Variants in SH3PXD2A observed in about 807,000 individuals in gnomAD.
SH3PXD2A encodes SH3 and PX domain-containing protein 2A.
Under a neutral mutation model 115.2 loss-of-function variants are expected in SH3PXD2A, and 32 were observed. The ratio of observed to expected loss-of-function variants is 0.28; its 90% CI spans 0.21 to 0.37. The LOEUF (loss-of-function observed/expected upper bound fraction) is 0.37, where lower values mean the gene tolerates loss of function less well. Among genes scored for constraint, SH3PXD2A ranks in the 10% least tolerant of loss-of-function variants. The pLI is 1.00. For synonymous variants in SH3PXD2A, 610 were observed against 629.1 expected (o/e 0.97, Z 0.45); for missense variants, 1,328 against 1,498.7 (o/e 0.89, Z 1.88).
chr10:103,618,284 G>A (rs532596895), intron 10 of SH3PXD2A, among the ~76,000 whole-genome samples: 36 of 152,296 alleles, frequency 2.4e-4, no homozygotes, highest in African/African-American at 5.3e-4. Flanking sequence ...GGTGCCACCC[G>A]CTTGGGTCCT....
intron 1 of SH3PXD2A, among the ~76,000 whole-genome samples, chr10:103,820,530 C>T (rs1182476512): frequency 1.3e-5 from 2 of 152,170 alleles, no homozygotes; most frequent in South Asian, 2.1e-4. Context: ...CCAGTGCCCC[C>T]TCAAAGTCAC....
Position 103,603,011 on chromosome 10 carries a change from G to C in SH3PXD2A, c.2207C>G (p.Ala736Gly). The C allele has an allele frequency of 6.2e-7, 1 of 1,614,184 alleles. No homozygotes were observed. The highest frequency in any genetic ancestry group is 8.5e-7 in the Non-Finnish European group (1 of 1,180,054). The change falls in exon 15 of 15, where the codon GCA (alanine) becomes GGA (glycine). Residue 736 changes from alanine to glycine, a missense_variant. Ala to Gly is a moderately conservative substitution (Grantham distance 60). Around this residue, in one of 5 missense-constraint regions of SH3PXD2A, gnomAD observed 574 missense variants for 565.7 expected, o/e 1.01. Transcript: ENST00000369774. ...AGCGTTCGCATCAGCATCCTTCTTT[G>C]CCCTGACCTTGGGAGTGCCGCGGAT... Reference protein sequence around the residue: ...AGIRGTPKVRAKKDADANAGL... With the variant: ...AGIRGTPKVRGKKDADANAGL...
intron 8 of SH3PXD2A, among the ~76,000 whole-genome samples, chr10:103,631,423 G>A (rs759274442): frequency 3.3e-5 from 5 of 151,982 alleles, no homozygotes; most frequent in Admixed American, 1.3e-4. Flanking sequence ...TAATATTTTC[G>A]GACCACGGTT....
intron 6 of SH3PXD2A, among the ~76,000 whole-genome samples, chr10:103,669,152 C>T (rs964011179): frequency 2.0e-5 from 3 of 152,176 alleles, no homozygotes; most frequent in Non-Finnish European, 4.4e-5. Flanking sequence ...CCCACTAGAC[C>T]CTGATGTGTC....
At chr10:103,637,801 C>T (rs2036888978) in intron 8 of SH3PXD2A, among the ~76,000 whole-genome samples, 1 of 152,140 alleles carries the variant, frequency 6.6e-6, no homozygotes, top group African/African-American at 2.4e-5. Context: ...ACCAGCGCTG[C>T]CTACCTACCC....
At chr10:103,685,553 G>T (rs958097578) in intron 6 of SH3PXD2A, among the ~76,000 whole-genome samples, 1 of 152,032 alleles carries the variant, frequency 6.6e-6, no homozygotes, top group African/African-American at 2.4e-5. Context: ...TGAAACCAGC[G>T]CTCTCTCCTG....
chr10:103,715,334 G>T (rs566847144), intron 5 of SH3PXD2A, among the ~76,000 whole-genome samples: 2 of 152,330 alleles, frequency 1.3e-5, no homozygotes, highest in East Asian at 3.9e-4. Context: ...GCAGAGCTGG[G>T]TGTCCCCACA....
chr10:103,598,518 T>G lies in SH3PXD2A; in HGVS notation c.*3298A>C, dbSNP rs191865044. ...ACCTCAATAATGACCTCAGAAGGGC[T>G]CATTATGGTTAAAGTTGCAGTATAC... On this transcript the variant is annotated 3_prime_UTR_variant, in exon 15 of 15. Transcript: ENST00000369774. The G allele has an allele frequency of 3.3e-5, 5 of 152,786 alleles. No individual in the cohort carries two copies. The highest frequency in any genetic ancestry group is 3.3e-4 in the Admixed American group (5 of 15,306). The allele number at this position is 152,786 out of a possible 1,614,324, so 9.5% of individuals were successfully genotyped here.
chr10:103,735,639 C>T, intron 4 of SH3PXD2A, 93 bp downstream of exon 4: 2 of 1,018,260 alleles, frequency 2.0e-6, no homozygotes, highest in Non-Finnish European at 3.1e-6. Context: ...TGTACAGCAA[C>T]CTTTCCTCAC....
intron 7 of SH3PXD2A, 113 bp downstream of exon 7, chr10:103,668,475 GACCCCCTGCCATGCTGGCAA>G: frequency 1.3e-6 from 1 of 785,410 alleles, no homozygotes; most frequent in Non-Finnish European, 2.1e-6. Flanking sequence ...GCAAGTGGCA[GACCCCCTGCCATGCTGGCAA>G]ACAGCTGCTG....
intron 5 of SH3PXD2A, among the ~76,000 whole-genome samples, chr10:103,696,493 C>T (rs535148298): frequency 6.6e-6 from 1 of 152,236 alleles, no homozygotes; most frequent in African/African-American, 2.4e-5. Context: ...CTCAAGAACC[C>T]CCCCTCTTCC....
At position 103,613,037 on chromosome 10, in the gene SH3PXD2A, G is replaced by A; in HGVS notation, c.1074C>T (p.Asp358=). The A allele has an allele frequency of 1.2e-6, 2 of 1,614,238 alleles. No individual in the cohort carries two copies. The highest frequency in any genetic ancestry group is 1.7e-6 in the Non-Finnish European group (2 of 1,180,040). The change falls in exon 12 of 15, where the codon GAC becomes GAT. Residue 358 remains aspartate (D), a synonymous_variant. Coordinates refer to ENST00000369774, the MANE Select transcript of SH3PXD2A (RefSeq NM_001394015.1). The stretch of plus-strand genomic sequence containing the variant: ...CGCCTTCGGCTGGTGGAGTTTCCTT[G>A]TCCCCAGACGCCTTCTTGTTCAGCA... ...SNLLNKKASG[D]KETPPAEGEG...
chr10:103,684,993 C>G lies in SH3PXD2A; in HGVS notation c.427+8035G>C, dbSNP rs112979526. 2.5e-3 allele frequency among the ~76,000 whole-genome samples: 373 copies of G among 151,882 alleles called. 1 individual carries two copies. Among genetic ancestry groups the G allele is most frequent in the African/African-American group, 8.7e-3 (361 of 41,402 alleles). On this transcript the variant is annotated intron_variant, in intron 6 of 14. Coordinates refer to ENST00000369774, the MANE Select transcript of SH3PXD2A (RefSeq NM_001394015.1). Reference sequence around the variant, plus strand: ...TGTGGTTGTGCCACCACACTCCAGTCTGAACGACAGAGCCTGGGGCCCTGT... The same window carrying G: ...TGTGGTTGTGCCACCACACTCCAGTGTGAACGACAGAGCCTGGGGCCCTGT...
chr10:103,685,216 A>G (rs1299851635), intron 6 of SH3PXD2A, among the ~76,000 whole-genome samples: 3 of 151,560 alleles, frequency 2.0e-5, no homozygotes, highest in South Asian at 4.2e-4. Flanking sequence ...GCGGACGCCT[A>G]TAATTCCATC....
chr10:103,743,599 G>A (rs1453622820), intron 3 of SH3PXD2A, among the ~76,000 whole-genome samples: 1 of 149,714 alleles, frequency 6.7e-6, no homozygotes, highest in Non-Finnish European at 1.5e-5. Flanking sequence ...CCGAACTCCT[G>A]GTCTTAAGTG....
chr10:103,705,966 T>A (rs2037975310), intron 5 of SH3PXD2A, among the ~76,000 whole-genome samples: 1 of 147,572 alleles, frequency 6.8e-6, no homozygotes, highest in Non-Finnish European at 1.5e-5. Context: ...GCCACTGCAC[T>A]CCAGCCTGGG....
chr10:103,838,613 T>C lies in SH3PXD2A; in HGVS notation c.72+16582A>G, dbSNP rs192882875. ...GTTGGGAATGGAGCTACCATTGCCCTCTCTCCTTGGACAAGGACTGCCAAA... is the reference window on the plus strand; with the variant it reads ...GTTGGGAATGGAGCTACCATTGCCCCCTCTCCTTGGACAAGGACTGCCAAA... On this transcript the variant is annotated intron_variant, in intron 1 of 14. Coordinates refer to ENST00000369774, the MANE Select transcript of SH3PXD2A (RefSeq NM_001394015.1). 2.6e-3 allele frequency among the ~76,000 whole-genome samples: 395 copies of C among 152,234 alleles called. 3 individuals are homozygous for C. The highest frequency in any genetic ancestry group is 9.0e-3 in the African/African-American group (372 of 41,526).
intron 8 of SH3PXD2A, among the ~76,000 whole-genome samples, chr10:103,647,726 G>A (rs1435462146): frequency 1.3e-5 from 2 of 152,200 alleles, no homozygotes; most frequent in Admixed American, 6.5e-5. Context: ...CCTACAAGGA[G>A]CAGCCAGTTA....
intron 12 of SH3PXD2A, 106 bp from the exon 13 acceptor site, chr10:103,611,736 C>G: frequency 1.1e-6 from 1 of 901,310 alleles, no homozygotes; most frequent in Non-Finnish European, 1.9e-6. Flanking sequence ...CAAGTTCATG[C>G]TTTAGCTCAG....
Sources: allele counts gnomAD v4.1 joint callset (sites outside exome capture counted in the v4.1 genomes callset), GRCh38; gene constraint gnomAD v4.1.1; regional missense constraint gnomAD v4.1.1; transcripts MANE v1.5; gene names NCBI Gene and HGNC (gene_info 2026-07-23, HGNC 2026-07-21).